The following ACP3 variants were observed in gnomAD, a reference collection of about 807,000 sequenced individuals.
ACP3 encodes prostatic acid phosphatase.
Under a neutral mutation model 45.6 loss-of-function variants are expected in ACP3, and 38 were observed. The ratio of observed to expected loss-of-function variants is 0.83; its 90% CI spans 0.64 to 1.09. The LOEUF (loss-of-function observed/expected upper bound fraction) is 1.09. Among genes scored for constraint, ACP3 ranks in the 50% least tolerant of loss-of-function variants. ACP3 has a pLI of 0.00. For synonymous variants in ACP3, 162 were observed against 164.7 expected (o/e 0.98, Z 0.13); for missense variants, 466 against 463.2 (o/e 1.01, Z -0.05).
At chr3:132,354,911 C>A (rs191012036) in intron 9 of ACP3, among the ~76,000 whole-genome samples, 3 of 152,262 alleles carry the variant, frequency 2.0e-5, no homozygotes, top group Admixed American at 2.0e-4. Context: ...AATTTTGAGT[C>A]TTTTAAAATT....
In ACP3 at chr3:132,357,862, G is replaced by T. The variant is rs1804136; in HGVS notation, c.*984G>T. 0.53 allele frequency: 216,803 copies of T among 410,464 alleles called. 59,602 individuals carry two copies. The highest frequency in any genetic ancestry group is 0.6 in the Middle Eastern group (472 of 792). The allele number at this position is 410,464 out of a possible 1,614,324, so 25.4% of individuals were successfully genotyped here. ...CAGCCTGGGCAACATGGTGAAACCT[G>T]GTCTCTACATAAAATACAAAAACTT... On this transcript the variant is annotated 3_prime_UTR_variant, in exon 10 of 10. Transcript: ENST00000336375.
intron 10 of ACP3, among the ~76,000 whole-genome samples, chr3:132,365,040 A>C (rs1938108087): frequency 6.6e-6 from 1 of 152,234 alleles, no homozygotes; most frequent in Non-Finnish European, 1.5e-5. Context: ...TGATGCTAAG[A>C]AGCATCCTGG....
At chr3:132,336,694 G>A (rs1937497057) in intron 4 of ACP3, among the ~76,000 whole-genome samples, 1 of 152,022 alleles carries the variant, frequency 6.6e-6, no homozygotes, top group Admixed American at 6.6e-5. Flanking sequence ...CAGCAAGAAG[G>A]CCCTTGTAAC....
downstream of ACP3, among the ~76,000 whole-genome samples, chr3:132,359,444 C>T (rs780450452): frequency 6.8e-4 from 103 of 152,058 alleles, no homozygotes; most frequent in Admixed American, 9.8e-4. Flanking sequence ...GGAAGCGGAA[C>T]TTGCAGTGAG....
chr3:132,365,649 G>A (rs910212342), intron 10 of ACP3, among the ~76,000 whole-genome samples: 3 of 152,100 alleles, frequency 2.0e-5, no homozygotes, highest in Non-Finnish European at 4.4e-5. Context: ...GAGAGAAGTG[G>A]CATGATTTGA....
chr3:132,332,413 T>G, intron 4 of ACP3, 69 bp downstream of exon 4: 14 of 1,571,358 alleles, frequency 8.9e-6, no homozygotes, highest in Non-Finnish European at 1.2e-5. Flanking sequence ...TACTCAACAG[T>G]TGTGGATTTG....
chr3:132,344,608 A>G (rs984979361), intron 6 of ACP3, among the ~76,000 whole-genome samples: 5 of 152,180 alleles, frequency 3.3e-5, no homozygotes, highest in African/African-American at 1.2e-4. Flanking sequence ...AGGTTCATAG[A>G]AAGATTTCTA....
intron 1 of ACP3, among the ~76,000 whole-genome samples, chr3:132,325,578 G>C (rs1284872979): frequency 1.1e-4 from 7 of 63,180 alleles, no homozygotes; most frequent in Admixed American, 5.7e-4. Context: ...TCAAGGTTTT[G>C]GTTTCTTCTG....
rs1576415978 is a variant in ACP3, at chr3:132,337,445, C to G, written c.457-11C>G. ...CTCATAACAGTTTTATGATTTTTCT[C>G]TTATCCTCAGTTGCTATACCTGCCT... On this transcript the variant is annotated splice_polypyrimidine_tract_variant and intron_variant, in intron 4 of 9. Transcript: ENST00000336375. 6.4e-7 allele frequency: 1 copy of G among 1,565,726 alleles called. No homozygotes were observed. The highest frequency in any genetic ancestry group is 8.7e-7 in the Non-Finnish European group (1 of 1,142,928).
chr3:132,326,739 T>A (rs1359566761), intron 1 of ACP3, among the ~76,000 whole-genome samples: 1 of 152,182 alleles, frequency 6.6e-6, no homozygotes, highest in Non-Finnish European at 1.5e-5. Flanking sequence ...TTGAATTCTG[T>A]TTTACAGAAT....
chr3:132,332,766 A>C (rs1232737289), intron 4 of ACP3: 1 of 166,208 alleles, frequency 6.0e-6, no homozygotes, highest in Non-Finnish European at 1.3e-5. Flanking sequence ...GAAAATCCAC[A>C]TTCCTAGGTA....
downstream of ACP3, among the ~76,000 whole-genome samples, chr3:132,363,444 C>G (rs1283296578): frequency 2.0e-5 from 3 of 152,214 alleles, no homozygotes; most frequent in Non-Finnish European, 4.4e-5. Context: ...GACCACAGCT[C>G]CTCCCTTACC....
At chr3:132,344,263 G>A (rs891359481) in intron 6 of ACP3, among the ~76,000 whole-genome samples, 11 of 138,544 alleles carry the variant, frequency 7.9e-5, no homozygotes, top group African/African-American at 2.9e-4. Context: ...GGATGACAGA[G>A]CAAGATTCTG....
intron 1 of ACP3, among the ~76,000 whole-genome samples, chr3:132,318,610 T>C (rs1433214208): frequency 1.3e-5 from 2 of 152,164 alleles, no homozygotes; most frequent in African/African-American, 2.4e-5. Flanking sequence ...AAATCCTTAC[T>C]AGGTCATGAG....
At chr3:132,367,757 G>T (rs1056201824) in exon 11 of ACP3, 8 of 1,613,652 alleles carry the variant, frequency 5.0e-6, no homozygotes, top group Non-Finnish European at 5.9e-6. Flanking sequence ...TGTCCTAATG[G>T]TACTACTGTT....
rs117192307 is a variant in ACP3 at position 132,327,922 on chromosome 3, G to A, written c.121-345G>A. Among the ~76,000 whole-genome samples, 457 of 152,190 alleles carry A rather than the reference G, an allele frequency of 3.0e-3. 4 individuals are homozygous for A. The highest frequency in any genetic ancestry group is 9.6e-3 in the African/African-American group (400 of 41,542). On this transcript the variant is annotated intron_variant, in intron 1 of 9. Transcript: ENST00000336375. The stretch of plus-strand genomic sequence containing the variant: ...TTCTGTCCTATCTTATGTACAAACC[G>A]ATCTCCATTATGTGTCACCTGCCTT...
chr3:132,341,333 C>G (rs182643662), intron 5 of ACP3, among the ~76,000 whole-genome samples: 26 of 152,016 alleles, frequency 1.7e-4, no homozygotes, highest in Middle Eastern at 3.4e-3. Context: ...TTTTTTAAAT[C>G]AATATTAGTT....
intron 10 of ACP3, among the ~76,000 whole-genome samples, chr3:132,364,027 C>T (rs1231583568): frequency 6.6e-6 from 1 of 152,078 alleles, no homozygotes; most frequent in Non-Finnish European, 1.5e-5. Flanking sequence ...TCCATTTGCC[C>T]CACGTCAAAC....
intron 5 of ACP3, among the ~76,000 whole-genome samples, chr3:132,338,987 C>T (rs1391029288): frequency 6.6e-6 from 1 of 152,004 alleles, no homozygotes; most frequent in East Asian, 1.9e-4. Flanking sequence ...GGTATAAAGC[C>T]TAGTACTCAT....
Sources: gnomAD v4.1 joint callset for allele counts (sites outside exome capture counted in the v4.1 genomes callset) on GRCh38, gnomAD v4.1.1 for gene constraint, MANE v1.5 for transcripts, NCBI Gene and HGNC (gene_info 2026-07-23, HGNC 2026-07-21) for gene names.